The following RFPL4A variants were observed in gnomAD, a reference collection of about 807,000 sequenced individuals.
The protein encoded by RFPL4A is ret finger protein like 4A.
In RFPL4A, 4 loss-of-function variants were observed where a neutral mutation model predicts 8.3. The observed-to-expected ratio is 0.48, with a 90% confidence interval of 0.24 to 1.10. The LOEUF (loss-of-function observed/expected upper bound fraction) is 1.10. Ranked by LOEUF, RFPL4A falls within the 50% of genes least tolerant of loss-of-function variation. RFPL4A has a pLI of 0.18. For synonymous variants in RFPL4A, 43 were observed against 136.6 expected, an observed-to-expected ratio of 0.31 and a Z score of 4.78; for missense variants, 111 against 358.7, an observed-to-expected ratio of 0.31 and a Z score of 5.58.
At chr19:55,758,415 AC>A (rs1263027452), upstream of RFPL4A, among the ~76,000 whole-genome samples, 1 of 152,090 alleles carries the variant, frequency 6.6e-6, no homozygotes, top group Non-Finnish European at 1.5e-5. Context: ...AACTCTGATC[AC>A]CTATAATATA....
chr19:55,757,722 A>G (rs1357118094), upstream of RFPL4A, among the ~76,000 whole-genome samples: 3 of 152,124 alleles, frequency 2.0e-5, no homozygotes, highest in African/African-American at 7.2e-5. Context: ...CTATTCTCTA[A>G]TTCTGAACGG....
chr19:55,762,642 A>ATTTCTGAAGACCTGAGGAG lies in RFPL4A; in HGVS notation c.336_354dup (p.Arg119Ter). ...GGACACAGCCAACAACTATCTCATC[A>ATTTCTGAAGACCTGAGGAG]TTTCTGAAGACCTGAGGAGTTTCCG... is the stretch of plus-strand genomic sequence containing the variant. On this transcript the variant is annotated frameshift_variant, in exon 3 of 3. Coordinates refer to ENST00000434937, the MANE Select transcript of RFPL4A (RefSeq NM_001145014.2). LOFTEE classifies it low-confidence loss of function (END_TRUNC). 1 of 1,551,542 alleles carries ATTTCTGAAGACCTGAGGAG rather than the reference A, an allele frequency of 6.4e-7. No homozygotes were observed. The highest frequency in any genetic ancestry group is 8.7e-7 in the Non-Finnish European group (1 of 1,146,924).
chr19:55,758,627 T>C (rs1989220759), upstream of RFPL4A, among the ~76,000 whole-genome samples: 1 of 151,618 alleles, frequency 6.6e-6, no homozygotes, highest in African/African-American at 2.4e-5. Flanking sequence ...CCTAAGCTTC[T>C]TAATTAGAAT....
rs1389971128 is a variant in RFPL4A at position 55,763,332 on chromosome 19, G to A, written c.*157G>A. Among the ~76,000 whole-genome samples the A allele has an allele frequency of 2.7e-5, 4 of 149,240 alleles. No homozygotes were observed. Among genetic ancestry groups the A allele is most frequent in the African/African-American group, 7.7e-5 (3 of 38,906 alleles). Reference sequence around the variant, plus strand: ...CAGAAAGCAATTATATTAATGAGGGGAAAATTACATTGTACTTAAAGTTTG... The same window carrying A: ...CAGAAAGCAATTATATTAATGAGGGAAAAATTACATTGTACTTAAAGTTTG... On this transcript the variant is annotated 3_prime_UTR_variant, in exon 3 of 3. Coordinates refer to ENST00000434937, the MANE Select transcript of RFPL4A (RefSeq NM_001145014.2).
upstream of RFPL4A, among the ~76,000 whole-genome samples, chr19:55,757,495 A>C (rs994629235): frequency 8.5e-5 from 13 of 152,180 alleles, no homozygotes; most frequent in Non-Finnish European, 1.8e-4. Context: ...TGGAGAATAC[A>C]GACCTCGCTG....
rs547983037 is a variant in RFPL4A at position 55,760,717 on chromosome 19, A to T, written c.-9-1075A>T. Among the ~76,000 whole-genome samples the T allele has an allele frequency of 6.6e-5, 10 of 151,716 alleles. No individual in the cohort carries two copies. In the East Asian group the frequency reaches 2.0e-3, roughly 30 times the overall value. On this transcript the variant is annotated intron_variant, in intron 1 of 2. Coordinates refer to ENST00000434937, the MANE Select transcript of RFPL4A (RefSeq NM_001145014.2). ...CGGTTTTTTATCACCTCATGAGCCC[A>T]GGTTCCTCCTTGTCCTTGTAATTTT... is the stretch of plus-strand genomic sequence containing the variant.
chr19:55,761,668 C>T (rs1989284577), intron 1 of RFPL4A, 124 bp from the exon 2 acceptor site: 1 of 1,404,994 alleles, frequency 7.1e-7, no homozygotes, highest in Non-Finnish European at 9.6e-7. Flanking sequence ...TCGTCACTAG[C>T]AGTAGTGATT....
intron 1 of RFPL4A, among the ~76,000 whole-genome samples, chr19:55,759,425 G>T (rs1233138499): frequency 5.9e-5 from 9 of 151,430 alleles, no homozygotes; most frequent in African/African-American, 1.5e-4. Context: ...TTTCTGAAAT[G>T]ATGGACAGAG....
Position 55,762,879 on chromosome 19 carries a change from G to A in RFPL4A, c.568G>A (p.Gly190Ser). Residue 190 changes from glycine (G) to serine (S), a missense_variant, in exon 3 of 3, where the codon GGT becomes AGT. Gly to Ser is a moderately conservative substitution (Grantham distance 56, BLOSUM62 0). Transcript: ENST00000434937. ...LSSEHGFLTV[G>S]CREGKVFAAS... ...TTCAGAACACGGCTTCTTGACTGTG[G>A]GTTGCAGAGAAGGAAAGGTCTTTGC... 2 of 1,534,694 alleles carry A rather than the reference G, an allele frequency of 1.3e-6. No homozygotes were observed. Among genetic ancestry groups the A allele is most frequent in the African/African-American group, 2.9e-5 (2 of 70,160 alleles).
At chr19:55,761,397 T>A (rs1352246018) in intron 1 of RFPL4A, among the ~76,000 whole-genome samples, 1 of 137,698 alleles carries the variant, frequency 7.3e-6, no homozygotes, top group Admixed American at 7.1e-5. Context: ...AGCAGATAGT[T>A]TACGTTCTCT....
At chr19:55,758,326 T>C (rs1399825575), upstream of RFPL4A, among the ~76,000 whole-genome samples, 21 of 152,400 alleles carry the variant, frequency 1.4e-4, no homozygotes, top group East Asian at 1.9e-3. Context: ...AATTAAAGAC[T>C]ATTAATTTAA....
upstream of RFPL4A, among the ~76,000 whole-genome samples, chr19:55,758,373 T>G (rs1989214949): frequency 6.6e-6 from 1 of 152,248 alleles, no homozygotes; most frequent in Non-Finnish European, 1.5e-5. Flanking sequence ...CCACCTGACC[T>G]CCAGTCTCCC....
intron 2 of RFPL4A, among the ~76,000 whole-genome samples, 176 bp downstream of exon 2, chr19:55,762,262 T>G (rs1336358376): frequency 6.6e-6 from 1 of 150,612 alleles, no homozygotes; most frequent in Non-Finnish European, 1.5e-5. Flanking sequence ...TCTGTGCAAG[T>G]TTGTAGAATA....
At chr19:55,760,330 G>A (rs1240048207) in intron 1 of RFPL4A, among the ~76,000 whole-genome samples, 1 of 151,556 alleles carries the variant, frequency 6.6e-6, no homozygotes, top group Non-Finnish European at 1.5e-5. Flanking sequence ...CCAGTTTCCA[G>A]GTTCTGGATG....
At chr19:55,762,302 T>A (rs879987106) in intron 2 of RFPL4A, among the ~76,000 whole-genome samples, 8 of 150,794 alleles carry the variant, frequency 5.3e-5, no homozygotes, top group South Asian at 2.1e-4. Context: ...GTCTTCTTTC[T>A]TGTATCATAT....
At chr19:55,757,546 G>A (rs370826662), upstream of RFPL4A, among the ~76,000 whole-genome samples, 11 of 151,878 alleles carry the variant, frequency 7.2e-5, no homozygotes, top group East Asian at 1.9e-4. Context: ...AAACACAGAA[G>A]ACCCCTAAAG....
Position 55,760,692 on chromosome 19 carries a change from C to T in RFPL4A, c.-9-1100C>T, listed in dbSNP as rs369271759. ...TGCTTTGAAACAGCTTAACTCCCTCCGGTTTTTTATCACCTCATGAGCCCA... is the reference window on the plus strand; with the variant it reads ...TGCTTTGAAACAGCTTAACTCCCTCTGGTTTTTTATCACCTCATGAGCCCA... On this transcript the variant is annotated intron_variant, in intron 1 of 2. Transcript: ENST00000434937. Among the ~76,000 whole-genome samples, 26 of 151,706 alleles carry T rather than the reference C, an allele frequency of 1.7e-4. 3 individuals are homozygous for T. In the East Asian group the frequency reaches 2.8e-3, roughly 16 times the overall value.
chr19:55,758,947 T>A (rs1438121237), upstream of RFPL4A: 6 of 150,890 alleles, frequency 4.0e-5, no homozygotes, highest in African/African-American at 1.5e-4. Flanking sequence ...AAAATAACAC[T>A]GAAAACACAG....
At chr19:55,761,698 A>T (rs908011055) in intron 1 of RFPL4A, 94 bp from the exon 2 acceptor site, 8 of 1,471,708 alleles carry the variant, frequency 5.4e-6, no homozygotes, top group Non-Finnish European at 7.3e-6. Context: ...GTGCTATGAT[A>T]GCTCCATGCA....
Sources: gnomAD v4.1 joint callset for allele counts (sites outside exome capture counted in the v4.1 genomes callset) on GRCh38, gnomAD v4.1.1 for gene constraint, MANE v1.5 for transcripts, NCBI Gene and HGNC (gene_info 2026-07-23, HGNC 2026-07-21) for gene names.